AXDND1: variants seen among roughly 807,000 people sequenced by gnomAD.
AXDND1 encodes axonemal dynein light chain domain containing 1.
A neutral mutation model predicts 137.5 loss-of-function variants in AXDND1; 110 were observed. That is an observed-to-expected ratio of 0.80 (90% CI 0.69 to 0.94). AXDND1 has a LOEUF of 0.94. AXDND1 is among the 40% of genes least tolerant of loss of function. AXDND1 has a pLI of 0.00. For synonymous variants in AXDND1, 414 were observed against 399.7 expected, an observed-to-expected ratio of 1.04 and a Z score of -0.43; for missense variants, 1,191 against 1,169.8, an observed-to-expected ratio of 1.02 and a Z score of -0.26.
intron 19 of AXDND1, 151 bp downstream of exon 19, chr1:179,491,888 G>C: frequency 2.9e-6 from 2 of 696,092 alleles, no homozygotes; most frequent in Non-Finnish European, 4.4e-6. Flanking sequence ...ACTGTGAGCA[G>C]TTATAATATG....
intron 8 of AXDND1, among the ~76,000 whole-genome samples, chr1:179,384,376 A>G (rs1273321052): frequency 2.0e-5 from 3 of 152,190 alleles, no homozygotes; most frequent in African/African-American, 7.2e-5. Flanking sequence ...TCTCTTATAT[A>G]TCCATAATAT....
chr1:179,369,173 G>A (rs995039112), intron 3 of AXDND1, among the ~76,000 whole-genome samples: 1 of 152,112 alleles, frequency 6.6e-6, no homozygotes, highest in Non-Finnish European at 1.5e-5. Flanking sequence ...GACTACCCTG[G>A]CTCAGGTGAT....
chr1:179,490,592 A>G (rs1666758313), intron 18 of AXDND1, among the ~76,000 whole-genome samples: 1 of 152,248 alleles, frequency 6.6e-6, no homozygotes, highest in African/African-American at 2.4e-5. Context: ...TTGGAAAAGT[A>G]CTACACATAC....
rs895999353 is a variant in AXDND1 at position 179,506,560 on chromosome 1, C to T, written c.2389-2736C>T. 8.5e-5 allele frequency among the ~76,000 whole-genome samples: 13 copies of T among 152,144 alleles called. 1 individual carries two copies. The East Asian group carries it at 9.7e-4, about 11-fold the overall frequency. ...CAGCCTGGCCAACATAGTGAAGCCC[C>T]GTTTCTACTGAAAATTCAAAAATTA... On this transcript the variant is annotated intron_variant, in intron 20 of 25. Coordinates refer to ENST00000367618, the MANE Select transcript of AXDND1 (RefSeq NM_144696.6).
At chr1:179,386,797 T>G (rs977770254) in intron 9 of AXDND1, among the ~76,000 whole-genome samples, 1 of 152,152 alleles carries the variant, frequency 6.6e-6, no homozygotes, top group African/African-American at 2.4e-5. Context: ...TGATCTTGGC[T>G]CATTGCAGCC....
chr1:179,437,555 C>A (rs920493277), intron 15 of AXDND1, among the ~76,000 whole-genome samples: 2 of 152,118 alleles, frequency 1.3e-5, no homozygotes, highest in Admixed American at 6.5e-5. Context: ...ATCCCACAGG[C>A]CTTTGGCTCC....
rs1043674802 is a variant in AXDND1 at position 179,488,916 on chromosome 1, G to A, written c.2092-2622G>A. Among the ~76,000 whole-genome samples, 3 of 144,560 alleles carry A rather than the reference G, an allele frequency of 2.1e-5. 1 individual carries two copies. Among genetic ancestry groups the A allele is most frequent in the African/African-American group, 8.1e-5 (3 of 37,046 alleles). The allele number at this position is 144,560 out of a possible 152,430, so 94.8% of individuals were successfully genotyped here. On this transcript the variant is annotated intron_variant, in intron 18 of 25. Transcript: ENST00000367618. ...CACCAGGCCAATTTTTGTATTTTTA[G>A]TAGAGACCAGGTTTCACCATCTTGG... is the stretch of plus-strand genomic sequence containing the variant.
At chr1:179,452,127 G>A (rs113106970) in intron 16 of AXDND1, 15,992 of 153,340 alleles carry the variant, frequency 0.1, 1,148 homozygotes, top group Middle Eastern at 0.18. Flanking sequence ...AGGCTAAGGT[G>A]GTCTCAGATG....
intron 22 of AXDND1, among the ~76,000 whole-genome samples, chr1:179,526,682 T>A (rs1188324843): frequency 1.3e-5 from 2 of 152,188 alleles, no homozygotes; most frequent in African/African-American, 2.4e-5. Flanking sequence ...AGAACAAAAA[T>A]ATTATATAAC....
intron 12 of AXDND1, among the ~76,000 whole-genome samples, chr1:179,418,202 T>C (rs1655006934): frequency 6.6e-6 from 1 of 151,928 alleles, no homozygotes. Context: ...TTAACGAGCA[T>C]GCTGCCTTCA....
intron 11 of AXDND1, among the ~76,000 whole-genome samples, chr1:179,400,440 G>A (rs996454493): frequency 6.6e-6 from 1 of 151,906 alleles, no homozygotes; most frequent in Non-Finnish European, 1.5e-5. Context: ...GGAGGGGGAT[G>A]AGGGATAAAA....
chr1:179,501,136 T>G (rs1165056155), intron 20 of AXDND1, among the ~76,000 whole-genome samples: 1 of 152,214 alleles, frequency 6.6e-6, no homozygotes, highest in Non-Finnish European at 1.5e-5. Context: ...GGTGTCACAA[T>G]CAAGTTTCCA....
intron 12 of AXDND1, among the ~76,000 whole-genome samples, chr1:179,418,720 AC>A (rs1364308850): frequency 2.1e-5 from 3 of 141,802 alleles, no homozygotes; most frequent in African/African-American, 8.1e-5. Flanking sequence ...CGGGGGGCTG[AC>A]CCCCACCTCC....
intron 14 of AXDND1, among the ~76,000 whole-genome samples, chr1:179,431,498 G>A (rs1657369388): frequency 6.6e-6 from 1 of 150,626 alleles, no homozygotes; most frequent in Non-Finnish European, 1.5e-5. Flanking sequence ...TTGTTGTGTT[G>A]TTGTTGTTTT....
chr1:179,421,040 CCTTCCTT>C (rs1558153082), intron 12 of AXDND1, among the ~76,000 whole-genome samples: 182 of 8,018 alleles, frequency 0.023, no homozygotes, highest in Non-Finnish European at 0.04. Context: ...GGTATCCCTT[CCTTCCTT>C]CCTTCCTTCC....
At chr1:179,427,434 G>A (rs959108575) in intron 12 of AXDND1, among the ~76,000 whole-genome samples, 1 of 152,074 alleles carries the variant, frequency 6.6e-6, no homozygotes, top group African/African-American at 2.4e-5. Context: ...TAAACTTTGA[G>A]CATGTGTTAT....
At chr1:179,517,397 A>T (rs542512588) in intron 21 of AXDND1, among the ~76,000 whole-genome samples, 80 of 152,290 alleles carry the variant, frequency 5.3e-4, no homozygotes, top group African/African-American at 1.9e-3. Context: ...AAAAGAAAAG[A>T]GTTTTGGTTG....
intron 18 of AXDND1, among the ~76,000 whole-genome samples, chr1:179,483,679 A>G (rs1175884264): frequency 6.6e-6 from 1 of 152,226 alleles, no homozygotes; most frequent in Admixed American, 6.5e-5. Context: ...TATCTCCATG[A>G]AATCATATGC....
At chr1:179,365,711 C>G (rs1571483363), upstream of AXDND1, 2 of 152,350 alleles carry the variant, frequency 1.3e-5, no homozygotes, top group East Asian at 3.9e-4. Flanking sequence ...CCCCCACCGG[C>G]GCCTGCGCAC....
Sources: gnomAD v4.1 joint callset for allele counts (sites outside exome capture counted in the v4.1 genomes callset) on GRCh38, gnomAD v4.1.1 for gene constraint, MANE v1.5 for transcripts, NCBI Gene and HGNC (gene_info 2026-07-23, HGNC 2026-07-21) for gene names.